The following ADAM10 variants were observed in gnomAD, a reference collection of about 807,000 sequenced individuals.
The protein encoded by ADAM10 is disintegrin and metalloproteinase domain-containing protein 10.
A neutral mutation model predicts 90.1 loss-of-function variants in ADAM10; 17 were observed. The ratio of observed to expected loss-of-function variants is 0.19; its 90% CI spans 0.13 to 0.28. The LOEUF is 0.28. ADAM10 is among the 10% of genes least tolerant of loss of function. The pLI, the probability that ADAM10 is intolerant of heterozygous loss-of-function variation, is 1.00. For synonymous variants in ADAM10, 310 were observed against 298.6 expected (o/e 1.04, Z -0.40); for missense variants, 610 against 914.3 (o/e 0.67, Z 4.29).
Position 58,590,627 on chromosome 15 carries a change from C to G in ADAM10, c.*6920G>C, listed in dbSNP as rs560072065. 1.3e-5 allele frequency: 2 copies of G among 152,160 alleles called. No individual in the cohort carries two copies. Among genetic ancestry groups the G allele is most frequent in the South Asian group, 2.1e-4 (1 of 4,832 alleles). The allele number at this position is 152,160 out of a possible 1,614,324, so 9.4% of individuals were successfully genotyped here. On this transcript the variant is annotated 3_prime_UTR_variant, in exon 16 of 16. Transcript: ENST00000260408. ...GATACTTAAGAAAAATGAAAACTAA[C>G]CACAATCACAAAACTAAATAATGAA...
intron 4 of ADAM10, chr15:58,676,218 G>A (rs1897299878): frequency 2.2e-6 from 1 of 445,098 alleles, no homozygotes; most frequent in Non-Finnish European, 4.5e-6. Flanking sequence ...GAGTGAAGCA[G>A]AAGAGCACAG....
chr15:58,663,205 T>C (rs1897009549), intron 5 of ADAM10, among the ~76,000 whole-genome samples: 1 of 152,250 alleles, frequency 6.6e-6, no homozygotes, highest in African/African-American at 2.4e-5. Flanking sequence ...GACTTTTTTG[T>C]TGTAAATATG....
intron 5 of ADAM10, among the ~76,000 whole-genome samples, chr15:58,647,571 G>C (rs760682450): frequency 3.4e-5 from 5 of 146,380 alleles, no homozygotes; most frequent in Non-Finnish European, 6.0e-5. Flanking sequence ...TATTTCTTTT[G>C]AGAGTCTCAC....
At chr15:58,704,257 A>C (rs1294069943) in intron 2 of ADAM10, 4 of 152,280 alleles carry the variant, frequency 2.6e-5, no homozygotes, top group African/African-American at 9.6e-5. Flanking sequence ...TACCTAGAAT[A>C]GCAAACTCAC....
intron 7 of ADAM10, among the ~76,000 whole-genome samples, chr15:58,643,609 TTAA>T (rs1896470467): frequency 6.6e-6 from 1 of 152,196 alleles, no homozygotes; most frequent in African/African-American, 2.4e-5. Context: ...CAGAGCTTTC[TTAA>T]TAATATGTTA....
rs138217548 is a variant in ADAM10 at position 58,600,790 on chromosome 15, T to C, written c.2026-1066A>G. On this transcript the variant is annotated intron_variant, in intron 14 of 15. Transcript: ENST00000260408. ...GTACTAATAAACATCATACAAAATA[T>C]TTACAGCTTCAAAACTGAACCTTTA... is the stretch of plus-strand genomic sequence containing the variant. Among the ~76,000 whole-genome samples the C allele has an allele frequency of 6.9e-3, 1,047 of 152,298 alleles. 14 individuals are homozygous for C. The highest frequency in any genetic ancestry group is 0.024 in the African/African-American group (1,000 of 41,564).
chr15:58,655,696 G>GTATATATATATATAGTATATATA (rs1326004910), intron 5 of ADAM10, among the ~76,000 whole-genome samples: 3 of 68,258 alleles, frequency 4.4e-5, no homozygotes, highest in South Asian at 4.6e-4. Context: ...ATTATATATA[G>GTATATATATATATAGTATATATA]TATATATATA....
chr15:58,692,215 G>T, intron 2 of ADAM10: 1 of 571,642 alleles, frequency 1.7e-6, no homozygotes, highest in Non-Finnish European at 3.5e-6. Context: ...GAACAGCAAT[G>T]CCCTGAATTC....
At chr15:58,639,267 T>C (rs1411415857) in intron 8 of ADAM10, among the ~76,000 whole-genome samples, 4 of 152,218 alleles carry the variant, frequency 2.6e-5, no homozygotes, top group African/African-American at 9.7e-5. Context: ...ACCGGGGTAG[T>C]GCCTATGAAC....
chr15:58,681,039 G>T (rs567576532), intron 3 of ADAM10, among the ~76,000 whole-genome samples: 1 of 152,194 alleles, frequency 6.6e-6, no homozygotes, highest in Non-Finnish European at 1.5e-5. Context: ...TCAAACTCCA[G>T]GTCTCAAGCA....
At chr15:58,668,730 G>GTT (rs1385899193) in intron 4 of ADAM10, among the ~76,000 whole-genome samples, 2 of 152,018 alleles carry the variant, frequency 1.3e-5, no homozygotes, top group African/African-American at 4.8e-5. Context: ...TCCCCTGAAG[G>GTT]TTTTTAATCT....
rs1189253942 is a variant in ADAM10 at position 58,717,894 on chromosome 15, T to G, written c.56-167A>C. Among the ~76,000 whole-genome samples, 8 of 152,212 alleles carry G rather than the reference T, an allele frequency of 5.3e-5. No individual in the cohort carries two copies. In the East Asian group the frequency reaches 1.5e-3, roughly 29 times the overall value. Reference sequence around the variant, plus strand: ...TAACACATATATTATTAAAACTTATTGTGAGGGTAATTCCAACCGCACACA... The same window carrying G: ...TAACACATATATTATTAAAACTTATGGTGAGGGTAATTCCAACCGCACACA... On this transcript the variant is annotated intron_variant, in intron 1 of 15. Transcript: ENST00000260408.
intron 2 of ADAM10, among the ~76,000 whole-genome samples, chr15:58,715,607 T>G (rs1454824612): frequency 6.6e-6 from 1 of 152,296 alleles, no homozygotes; most frequent in East Asian, 1.9e-4. Flanking sequence ...ACTGCTCCTA[T>G]GAGATCTATG....
intron 2 of ADAM10, chr15:58,691,530 C>T (rs759821455): frequency 7.2e-6 from 4 of 559,024 alleles, no homozygotes; most frequent in Admixed American, 6.3e-5. Flanking sequence ...GGTGTGAGAC[C>T]ACAGCAGTTC....
At chr15:58,669,063 G>A (rs193153095) in intron 4 of ADAM10, among the ~76,000 whole-genome samples, 2 of 152,090 alleles carry the variant, frequency 1.3e-5, no homozygotes, top group East Asian at 1.9e-4. Context: ...ATATGTCAAT[G>A]TTATTTTTAA....
chr15:58,665,756 C>T (rs2140729647), intron 4 of ADAM10, among the ~76,000 whole-genome samples: 1 of 152,102 alleles, frequency 6.6e-6, no homozygotes, highest in South Asian at 2.1e-4. Context: ...TCACTGACTA[C>T]CCCAACTTAT....
chr15:58,627,671 A>G lies in ADAM10; in HGVS notation c.1360+29T>C, dbSNP rs202016952. On this transcript the variant is annotated intron_variant, in intron 10 of 15. Coordinates refer to ENST00000260408, the MANE Select transcript of ADAM10 (RefSeq NM_001110.4). ...GTTGTCTGAATGTTTGAAAATGTTC[A>G]TAACAAAACGTTAGGAAAATATACA... 3.1e-5 allele frequency: 49 copies of G among 1,593,576 alleles called. No individual in the cohort carries two copies. In the African/African-American group the frequency reaches 6.2e-4, roughly 20 times the overall value.
intron 1 of ADAM10, among the ~76,000 whole-genome samples, chr15:58,726,759 GGA>G (rs1447391920): frequency 2.6e-5 from 4 of 151,494 alleles, no homozygotes; most frequent in Admixed American, 2.6e-4. Context: ...CAGCTACTCA[GGA>G]GAGTGAGGTG....
chr15:58,681,899 G>T (rs1304594140), intron 3 of ADAM10, among the ~76,000 whole-genome samples: 3 of 151,992 alleles, frequency 2.0e-5, no homozygotes, highest in African/African-American at 7.3e-5. Context: ...TTCTTACTTG[G>T]AAAATCAGAA....
Sources: gnomAD v4.1 joint callset for allele counts (sites outside exome capture counted in the v4.1 genomes callset) on GRCh38, gnomAD v4.1.1 for gene constraint, MANE v1.5 for transcripts, NCBI Gene and HGNC (gene_info 2026-07-23, HGNC 2026-07-21) for gene names.